DACH2: variants seen among roughly 807,000 people sequenced by gnomAD.
DACH2 encodes the protein dachshund homolog 2.
Under a neutral mutation model 35.8 loss-of-function variants are expected in DACH2, and 17 were observed. The ratio of observed to expected loss-of-function variants is 0.48; its 90% confidence interval spans 0.33 to 0.71. The LOEUF (loss-of-function observed/expected upper bound fraction) is 0.71. Ranked by LOEUF, DACH2 falls within the 30% of genes least tolerant of loss-of-function variation. The pLI, the probability that DACH2 is intolerant of heterozygous loss-of-function variation, is 0.02. For missense variants in DACH2, 469 were observed against 472.7 expected (o/e 0.99, Z 0.07); for synonymous variants, 195 against 177.3 (o/e 1.10, Z -0.79).
At chrX:86,257,425 G>T (rs2033542180) in intron 1 of DACH2, among the ~76,000 whole-genome samples, 1 of 111,716 alleles carries the variant, frequency 9.0e-6, no homozygotes, top group Non-Finnish European at 1.9e-5. Flanking sequence ...GGAAAAGGGA[G>T]TGAGATATAT....
chrX:86,481,622 G>T (rs2037936600), intron 2 of DACH2: 1 of 112,102 alleles, frequency 8.9e-6, no homozygotes, highest in Non-Finnish European at 1.9e-5. Context: ...TAGAAGATTT[G>T]AATAATTAGC....
intron 1 of DACH2, among the ~76,000 whole-genome samples, chrX:86,231,542 G>A (rs1204999834): frequency 9.0e-6 from 1 of 111,253 alleles, no homozygotes; most frequent in Admixed American, 9.5e-5. Context: ...CATGCAGGTT[G>A]TCAGGGAAGT....
At chrX:86,536,162 A>G (rs775715964) in intron 3 of DACH2, among the ~76,000 whole-genome samples, 54 of 110,895 alleles carry the variant, frequency 4.9e-4, no homozygotes, top group Admixed American at 9.6e-4. Context: ...TTTGGGAAGA[A>G]AACACATGCA....
At chrX:86,519,694 T>C (rs370644381) in intron 3 of DACH2, among the ~76,000 whole-genome samples, 1 of 111,559 alleles carries the variant, frequency 9.0e-6, no homozygotes, top group East Asian at 2.8e-4. Context: ...GAGGTCTTCA[T>C]AGTAGTTTCT....
chrX:86,500,814 A>T (rs2038239156), intron 2 of DACH2, among the ~76,000 whole-genome samples: 1 of 112,222 alleles, frequency 8.9e-6, no homozygotes, highest in South Asian at 3.7e-4. Flanking sequence ...ATAGTTGATA[A>T]GTTGTTAGAT....
intron 6 of DACH2, among the ~76,000 whole-genome samples, chrX:86,732,452 A>C (rs1315244282): frequency 8.9e-6 from 1 of 112,549 alleles, no homozygotes; most frequent in African/African-American, 3.2e-5. Flanking sequence ...GGCTAAAGCC[A>C]TCATAATTTG....
At chrX:86,546,503 CTTTTTT>C (rs35560036) in intron 3 of DACH2, among the ~76,000 whole-genome samples, 10 of 69,809 alleles carry the variant, frequency 1.4e-4, no homozygotes, top group African/African-American at 3.7e-4. Flanking sequence ...CTTCTTCTTT[CTTTTTT>C]TTTTTTTTTT....
intron 1 of DACH2, among the ~76,000 whole-genome samples, chrX:86,183,212 A>G (rs1050892566): frequency 9.0e-6 from 1 of 111,657 alleles, no homozygotes; most frequent in Non-Finnish European, 1.9e-5. Context: ...TTCCAATACT[A>G]TGTTGATAGG....
intron 1 of DACH2, among the ~76,000 whole-genome samples, chrX:86,179,307 C>T (rs2031400814): frequency 8.9e-6 from 1 of 112,132 alleles, no homozygotes; most frequent in Non-Finnish European, 1.9e-5. Context: ...GTTGTATGAA[C>T]GAACAGCAAA....
chrX:86,824,648 C>T (rs2042545907), intron 11 of DACH2, among the ~76,000 whole-genome samples: 1 of 112,051 alleles, frequency 8.9e-6, no homozygotes. Context: ...TGCCACGGCT[C>T]CAGCCAGTCC....
intron 2 of DACH2, among the ~76,000 whole-genome samples, chrX:86,486,631 G>C (rs1446912074): frequency 2.7e-5 from 3 of 110,977 alleles, no homozygotes; most frequent in East Asian, 2.8e-4. Flanking sequence ...GGGCTTTTCT[G>C]TTTATTAGAA....
intron 2 of DACH2, among the ~76,000 whole-genome samples, chrX:86,502,452 ATAT>A (rs2038265005): frequency 8.9e-6 from 1 of 112,007 alleles, no homozygotes; most frequent in Admixed American, 9.5e-5. Context: ...ACCTTGAGAA[ATAT>A]TATTTATTCT....
intron 1 of DACH2, among the ~76,000 whole-genome samples, chrX:86,359,087 G>GTC (rs2035693092): frequency 5.6e-5 from 2 of 35,582 alleles, no homozygotes; most frequent in Admixed American, 8.7e-4. Context: ...ATTTTGTCGT[G>GTC]TGTGTGTGTG....
intron 3 of DACH2, among the ~76,000 whole-genome samples, chrX:86,648,675 G>T (rs1019883143): frequency 9.0e-6 from 1 of 110,638 alleles, no homozygotes; most frequent in East Asian, 2.8e-4. Flanking sequence ...TATAAATTAT[G>T]GTGATGGTTT....
chrX:86,607,706 C>T (rs2039877367), intron 3 of DACH2, among the ~76,000 whole-genome samples: 1 of 102,530 alleles, frequency 9.8e-6, no homozygotes, highest in Non-Finnish European at 2.0e-5. Flanking sequence ...AACTCGTCAT[C>T]TAGCATTAGG....
Position 86,532,081 on chromosome X carries a change from G to A in DACH2, c.640+17690G>A, listed in dbSNP as rs145266164. ...TCAGGCAATTTCTCCAATTTGGAGT[G>A]GGAACATTCAAGCCATGCCTGTTCC... On this transcript the variant is annotated intron_variant, in intron 3 of 11. Transcript: ENST00000373125. Among the ~76,000 whole-genome samples, 8 of 112,994 alleles carry A rather than the reference G, an allele frequency of 7.1e-5. No homozygotes were observed. In the East Asian group the frequency reaches 2.2e-3, roughly 32 times the overall value.
chrX:86,535,696 G>A (rs933571386), intron 3 of DACH2, among the ~76,000 whole-genome samples: 4 of 110,186 alleles, frequency 3.6e-5, no homozygotes, highest in African/African-American at 9.9e-5. Flanking sequence ...AGAGAGACAC[G>A]GATCTGACAG....
chrX:86,805,989 C>T (rs2042340863), intron 7 of DACH2, among the ~76,000 whole-genome samples: 1 of 111,294 alleles, frequency 9.0e-6, no homozygotes, highest in Non-Finnish European at 1.9e-5. Flanking sequence ...TGTCTTTGAC[C>T]TTCTATATTC....
intron 2 of DACH2, among the ~76,000 whole-genome samples, chrX:86,417,221 C>T (rs778445289): frequency 1.8e-5 from 2 of 108,744 alleles, no homozygotes; most frequent in East Asian, 6.0e-4. Context: ...ATGACCCAAA[C>T]ATCTCCCATC....
Sources: gnomAD v4.1 joint callset for allele counts (sites outside exome capture counted in the v4.1 genomes callset) on GRCh38, gnomAD v4.1.1 for gene constraint, MANE v1.5 for transcripts, NCBI Gene and HGNC (gene_info 2026-07-23, HGNC 2026-07-21) for gene names.